RASGRF2: variants seen among roughly 807,000 people sequenced by gnomAD.
The protein encoded by RASGRF2 is Ras protein specific guanine nucleotide releasing factor 2.
In RASGRF2, 76 loss-of-function variants were observed where a neutral mutation model predicts 151.0. That is an observed-to-expected ratio of 0.50 (90% confidence interval 0.42 to 0.61). The LOEUF is 0.61. Among genes scored for constraint, RASGRF2 ranks in the 20% least tolerant of loss-of-function variants. The pLI, the probability that RASGRF2 is intolerant of heterozygous loss-of-function variation, is 0.00. For synonymous variants in RASGRF2, 504 were observed against 566.5 expected (o/e 0.89, Z 1.57); for missense variants, 1,148 against 1,564.6 (o/e 0.73, Z 4.49).
chr5:81,065,565 G>A (rs1020296417), intron 2 of RASGRF2, among the ~76,000 whole-genome samples: 2 of 152,166 alleles, frequency 1.3e-5, no homozygotes, highest in African/African-American at 4.8e-5. Context: ...TTTGAGGGGT[G>A]TGAAGAGGAG....
chr5:81,222,871 G>A (rs1052950717), intron 26 of RASGRF2, among the ~76,000 whole-genome samples: 1 of 140,120 alleles, frequency 7.1e-6, no homozygotes, highest in Non-Finnish European at 1.5e-5. Context: ...ATTCACAGAC[G>A]ATTTGATTTA....
At chr5:81,104,393 A>G (rs1417152266) in intron 12 of RASGRF2, among the ~76,000 whole-genome samples, 1 of 151,752 alleles carries the variant, frequency 6.6e-6, no homozygotes, top group East Asian at 1.9e-4. Context: ...GAGATGAGAA[A>G]AAATGAAGAC....
At chr5:81,059,023 C>G (rs1001643029) in intron 2 of RASGRF2, among the ~76,000 whole-genome samples, 2 of 152,086 alleles carry the variant, frequency 1.3e-5, no homozygotes, top group Non-Finnish European at 2.9e-5. Context: ...AACTCTTCCC[C>G]CTTCTCCTCT....
intron 1 of RASGRF2, among the ~76,000 whole-genome samples, chr5:81,039,749 C>T (rs764771295): frequency 6.6e-6 from 1 of 151,952 alleles, no homozygotes; most frequent in Non-Finnish European, 1.5e-5. Context: ...AGAAAAACCA[C>T]ATGATTATAT....
chr5:81,217,941 A>C (rs199692032), intron 25 of RASGRF2, among the ~76,000 whole-genome samples: 1 of 152,040 alleles, frequency 6.6e-6, no homozygotes, highest in Non-Finnish European at 1.5e-5. Flanking sequence ...ACGGGGTTTC[A>C]CTGTGTTAGC....
intron 1 of RASGRF2, among the ~76,000 whole-genome samples, chr5:81,034,976 A>C (rs35961131): frequency 0.091 from 13,844 of 152,092 alleles, 681 homozygotes; most frequent in African/African-American, 0.12. Flanking sequence ...AGGAAACAAC[A>C]GGTGCTGGAG....
chr5:81,017,572 G>A (rs899113455), intron 1 of RASGRF2, among the ~76,000 whole-genome samples: 1 of 152,184 alleles, frequency 6.6e-6, no homozygotes, highest in Non-Finnish European at 1.5e-5. Flanking sequence ...AAGATGCGGA[G>A]GTGGCAGCTG....
In RASGRF2 at chr5:81,186,570, A is replaced by G. The variant is rs562576334; in HGVS notation, c.2793+6289A>G. ...CTATCCTATAAACACAGACACACAC[A>G]CGCGCACACACACAAAACAGAGTCC... On this transcript the variant is annotated intron_variant, in intron 18 of 26. Coordinates refer to ENST00000265080, the MANE Select transcript of RASGRF2 (RefSeq NM_006909.3). 2.1e-3 allele frequency among the ~76,000 whole-genome samples: 317 copies of G among 152,262 alleles called. 1 individual carries two copies. Among genetic ancestry groups the G allele is most frequent in the African/African-American group, 7.5e-3 (310 of 41,536 alleles).
chr5:81,027,372 T>G (rs547524183), intron 1 of RASGRF2, among the ~76,000 whole-genome samples: 78 of 152,270 alleles, frequency 5.1e-4, no homozygotes, highest in African/African-American at 1.9e-3. Flanking sequence ...TTCTGTTCAG[T>G]TTTTCTGTAA....
In RASGRF2 at chr5:81,085,773, TGCTCATACTG is replaced by T; in HGVS notation, c.1162-26_1162-17del. ...TGCCCTGTCACCCATCCTGATGTCT[TGCTCATACTG>T]GCCTCTGTTTGCATCTAGATCCCCA... On this transcript the variant is annotated intron_variant, in intron 7 of 26. Transcript: ENST00000265080. 1.2e-6 allele frequency: 2 copies of T among 1,613,840 alleles called. No homozygotes were observed. Among genetic ancestry groups the T allele is most frequent in the Non-Finnish European group, 1.7e-6 (2 of 1,179,862 alleles).
chr5:81,225,550 T>C, intron 26 of RASGRF2, 128 bp from the exon 27 acceptor site: 2 of 1,381,556 alleles, frequency 1.4e-6, no homozygotes, highest in Middle Eastern at 1.8e-4. Flanking sequence ...AACATATTTA[T>C]GATTTTTTGG....
chr5:81,188,193 G>T (rs954876941), intron 18 of RASGRF2, among the ~76,000 whole-genome samples: 6 of 152,116 alleles, frequency 3.9e-5, no homozygotes, highest in Admixed American at 3.9e-4. Context: ...TCACACTCCT[G>T]GCCTGGTCTC....
intron 1 of RASGRF2, among the ~76,000 whole-genome samples, chr5:80,973,019 G>A (rs533011199): frequency 9.9e-5 from 15 of 152,208 alleles, no homozygotes; most frequent in Non-Finnish European, 2.9e-5. Context: ...TCTCTTAACG[G>A]TGTCTTTAAT....
chr5:81,131,235 G>A (rs1287663210), intron 17 of RASGRF2, among the ~76,000 whole-genome samples: 2 of 152,238 alleles, frequency 1.3e-5, no homozygotes, highest in African/African-American at 2.4e-5. Context: ...GACCCCGGGG[G>A]CAAGGAAAAC....
intron 15 of RASGRF2, among the ~76,000 whole-genome samples, chr5:81,121,030 A>G (rs753361485): frequency 2.6e-5 from 4 of 152,096 alleles, no homozygotes; most frequent in South Asian, 2.1e-4. Flanking sequence ...TGTATGGGCA[A>G]TACTGGTCGT....
chr5:81,097,197 G>A (rs1752572994), intron 12 of RASGRF2, among the ~76,000 whole-genome samples: 2 of 152,130 alleles, frequency 1.3e-5, no homozygotes, highest in Non-Finnish European at 2.9e-5. Context: ...CTGACCTCAG[G>A]TGATCCTCCC....
intron 1 of RASGRF2, among the ~76,000 whole-genome samples, chr5:81,024,253 T>G (rs929452909): frequency 8.8e-5 from 3 of 34,150 alleles, no homozygotes; most frequent in African/African-American, 4.1e-4. Context: ...CATATAATTT[T>G]TTTTTTTTTT....
At chr5:81,128,426 C>T (rs530803898) in intron 17 of RASGRF2, among the ~76,000 whole-genome samples, 1 of 152,254 alleles carries the variant, frequency 6.6e-6, no homozygotes, top group African/African-American at 2.4e-5. Flanking sequence ...AATAAATAAG[C>T]AAAAGCTCCT....
At chr5:81,025,196 C>T (rs974903859) in intron 1 of RASGRF2, among the ~76,000 whole-genome samples, 3 of 152,198 alleles carry the variant, frequency 2.0e-5, no homozygotes, top group Non-Finnish European at 4.4e-5. Context: ...TCCTTGCAGC[C>T]GGCTCTAAGA....
Sources: gnomAD v4.1 joint callset for allele counts (sites outside exome capture counted in the v4.1 genomes callset) on GRCh38, gnomAD v4.1.1 for gene constraint, MANE v1.5 for transcripts, NCBI Gene and HGNC (gene_info 2026-07-23, HGNC 2026-07-21) for gene names.